Variants in RAB38 observed in about 807,000 individuals in gnomAD.
RAB38 encodes the protein ras-related protein Rab-38.
A neutral mutation model predicts 18.4 loss-of-function variants in RAB38; 15 were observed. The ratio of observed to expected loss-of-function variants is 0.82; its 90% CI spans 0.55 to 1.26. The LOEUF (loss-of-function observed/expected upper bound fraction) is 1.26, where lower values mean the gene tolerates loss of function less well. RAB38 is among the 50% of genes most tolerant of loss of function. RAB38 has a pLI of 0.00. For missense variants in RAB38, 294 were observed against 267.4 expected (o/e 1.10, Z -0.69); for synonymous variants, 101 against 104.4 (o/e 0.97, Z 0.20).
chr11:88,128,142 C>T (rs1000458654), intron 2 of RAB38, among the ~76,000 whole-genome samples: 4 of 152,204 alleles, frequency 2.6e-5, no homozygotes, highest in African/African-American at 9.6e-5. Flanking sequence ...AATTAGGAGA[C>T]TTGAGTCTTA....
In RAB38 at chr11:88,120,046, T is replaced by C. The variant is rs921368205; in HGVS notation, c.484-5906A>G. ...TGGACACCTGTCTGTTAAGCACTTC[T>C]GTCCTCCCTTGTCCCTCATATCAAC... On this transcript the variant is annotated intron_variant, in intron 2 of 2. Coordinates refer to ENST00000243662, the MANE Select transcript of RAB38 (RefSeq NM_022337.3). Among the ~76,000 whole-genome samples the C allele has an allele frequency of 7.2e-5, 11 of 152,358 alleles. No homozygotes were observed. In the East Asian group the frequency reaches 2.1e-3, roughly 29 times the overall value.
the RAB38 span, among the ~76,000 whole-genome samples, chr11:88,078,608 G>T: frequency 1.3e-5 from 2 of 151,818 alleles, no homozygotes; most frequent in African/African-American, 4.8e-5. Context: ...TATGTTAAGT[G>T]AAATAAAGCC....
chr11:88,006,626 A>AATATAT, the RAB38 span, among the ~76,000 whole-genome samples: 320 of 143,514 alleles, frequency 2.2e-3, 3 homozygotes, highest in African/African-American at 7.9e-3. Context: ...ATGTATATAT[A>AATATAT]ATATATATAT....
the RAB38 span, among the ~76,000 whole-genome samples, chr11:87,945,466 C>T: frequency 6.6e-6 from 1 of 152,158 alleles, no homozygotes; most frequent in East Asian, 1.9e-4. Context: ...TTCCTTTTGA[C>T]AACGGGGTTG....
chr11:88,060,640 A>C, the RAB38 span, among the ~76,000 whole-genome samples: 2 of 152,184 alleles, frequency 1.3e-5, no homozygotes, highest in African/African-American at 4.8e-5. Context: ...AGAGTTTCTC[A>C]ATCTTGGCAC....
At chr11:88,067,237 T>A in the RAB38 span, among the ~76,000 whole-genome samples, 5 of 152,302 alleles carry the variant, frequency 3.3e-5, no homozygotes, top group African/African-American at 9.6e-5. Flanking sequence ...GCAAGATATT[T>A]TTTAAAGCTC....
At chr11:87,958,542 A>G in the RAB38 span, among the ~76,000 whole-genome samples, 1 of 152,146 alleles carries the variant, frequency 6.6e-6, no homozygotes, top group Non-Finnish European at 1.5e-5. Flanking sequence ...GTTATGATAC[A>G]CCTAGAACAC....
At chr11:87,840,456 CA>C in the RAB38 span, among the ~76,000 whole-genome samples, 75 of 152,284 alleles carry the variant, frequency 4.9e-4, no homozygotes, top group African/African-American at 1.4e-3. Context: ...GACCTCTCTA[CA>C]AAGTCCAGTG....
chr11:88,149,964 A>AAAGAAATAAAAATAAATAAAAAT lies in RAB38; in HGVS notation c.203-10_203-9insATTTTTATTTATTTTTATTTCTT. 1 of 1,590,408 alleles carries AAAGAAATAAAAATAAATAAAAAT rather than the reference A, an allele frequency of 6.3e-7. No homozygotes were observed. Among genetic ancestry groups the AAAGAAATAAAAATAAATAAAAAT allele is most frequent in the Non-Finnish European group, 8.5e-7 (1 of 1,169,682 alleles). On this transcript the variant is annotated splice_polypyrimidine_tract_variant and intron_variant, in intron 1 of 2. Transcript: ENST00000243662. ...TCCAAATCTTTCTTGACCTGACACC[A>AAAGAAATAAAAATAAATAAAAAT]AAAAGAAATAAAAATAAAAATGTAT... is the stretch of plus-strand genomic sequence containing the variant.
the RAB38 span, among the ~76,000 whole-genome samples, chr11:88,041,298 A>G: frequency 1.3e-5 from 2 of 152,270 alleles, no homozygotes; most frequent in South Asian, 4.1e-4. Context: ...CCTCTGTAAT[A>G]GTGAGCGGAA....
At chr11:88,026,884 A>G in the RAB38 span, among the ~76,000 whole-genome samples, 2 of 152,154 alleles carry the variant, frequency 1.3e-5, no homozygotes, top group African/African-American at 2.4e-5. Flanking sequence ...TCTGAATCAA[A>G]TCTCGAGATA....
the RAB38 span, among the ~76,000 whole-genome samples, chr11:87,919,218 C>A: frequency 1.3e-5 from 2 of 151,904 alleles, no homozygotes; most frequent in African/African-American, 4.8e-5. Flanking sequence ...TTGGTCTATG[C>A]ATCTGTTGAG....
chr11:87,891,515 C>A, the RAB38 span, among the ~76,000 whole-genome samples: 69 of 151,852 alleles, frequency 4.5e-4, no homozygotes, highest in Non-Finnish European at 7.8e-4. Flanking sequence ...CATTTACTGG[C>A]AGAAAGTAGG....
the RAB38 span, among the ~76,000 whole-genome samples, chr11:88,094,157 G>A: frequency 4.0e-5 from 6 of 151,734 alleles, no homozygotes; most frequent in Non-Finnish European, 7.4e-5. Flanking sequence ...ATGAACATAC[G>A]CACAACATCA....
the RAB38 span, among the ~76,000 whole-genome samples, chr11:87,949,067 G>T: frequency 3.9e-5 from 6 of 152,208 alleles, no homozygotes; most frequent in African/African-American, 1.4e-4. Context: ...CACTTTCAGA[G>T]CCTGTTATTG....
At chr11:88,170,838 A>C (rs17753199) in intron 1 of RAB38, among the ~76,000 whole-genome samples, 9,225 of 150,920 alleles carry the variant, frequency 0.061, 342 homozygotes, top group Non-Finnish European at 0.08. Context: ...TGCCAACTTA[A>C]TTTATTTTCC....
At chr11:88,030,457 A>G in the RAB38 span, among the ~76,000 whole-genome samples, 13 of 152,222 alleles carry the variant, frequency 8.5e-5, no homozygotes, top group African/African-American at 2.9e-4. Flanking sequence ...TTTTGAAAGG[A>G]TCAACAAAAT....
the RAB38 span, among the ~76,000 whole-genome samples, chr11:88,011,560 C>T: frequency 1.3e-5 from 2 of 152,056 alleles, no homozygotes; most frequent in Non-Finnish European, 2.9e-5. Flanking sequence ...ATAAGCATCT[C>T]AGAAAGATGA....
chr11:88,025,662 A>T, the RAB38 span, among the ~76,000 whole-genome samples: 5 of 152,170 alleles, frequency 3.3e-5, no homozygotes, highest in South Asian at 1.0e-3. Context: ...TATGTTGGCT[A>T]CTTATATGTC....
Sources: gnomAD v4.1 joint callset for allele counts (sites outside exome capture counted in the v4.1 genomes callset) on GRCh38, gnomAD v4.1.1 for gene constraint, MANE v1.5 for transcripts, NCBI Gene and HGNC (gene_info 2026-07-23, HGNC 2026-07-21) for gene names.